The following CLPB variants were observed in gnomAD, a reference collection of about 807,000 sequenced individuals.
CLPB encodes the protein ClpB family mitochondrial disaggregase.
A neutral mutation model predicts 78.4 loss-of-function variants in CLPB; 40 were observed. The ratio of observed to expected loss-of-function variants is 0.51; its 90% CI spans 0.40 to 0.66. The LOEUF (loss-of-function observed/expected upper bound fraction) is 0.66. Among genes scored for constraint, CLPB ranks in the 30% least tolerant of loss-of-function variants. CLPB has a pLI of 0.00. For missense variants in CLPB, 780 were observed against 886.9 expected (o/e 0.88, Z 1.53); for synonymous variants, 333 against 348.0 (o/e 0.96, Z 0.48).
chr11:72,427,930 A>G (rs1856434863), intron 2 of CLPB, among the ~76,000 whole-genome samples: 1 of 152,204 alleles, frequency 6.6e-6, no homozygotes, highest in Non-Finnish European at 1.5e-5. Context: ...AGCAGCATGA[A>G]CCACCTGTAC....
chr11:72,383,841 C>T (rs980823771), intron 3 of CLPB, among the ~76,000 whole-genome samples: 11 of 151,992 alleles, frequency 7.2e-5, no homozygotes, highest in African/African-American at 1.7e-4. Context: ...ACAGGTCTGA[C>T]GGTAATAAAT....
At position 72,294,641 on chromosome 11, in the gene CLPB, A is replaced by T. The variant is rs1299377641; in HGVS notation, c.1539T>A (p.Asn513Lys). The change falls in exon 13 of 16, where the codon AAT becomes AAA. Residue 513 changes from asparagine to lysine, a missense_variant. Physicochemically the swap from Asn to Lys is moderately conservative, Grantham distance 94. This residue lies in a region of CLPB where 272 missense variants were observed against 304.0 expected (regional missense o/e 0.89). Coordinates refer to ENST00000538039, the MANE Select transcript of CLPB (RefSeq NM_001258392.3). ...KITISKNFKENVIRPILKAHF... is the reference protein window; with the variant it reads ...KITISKNFKEKVIRPILKAHF... The stretch of plus-strand genomic sequence containing the variant: ...TTACTTTCAGGATAGGGCGAATCAC[A>T]TTCTCCTTGAAGTTCTTTGAGATGG... 6.2e-7 allele frequency: 1 copy of T among 1,614,162 alleles called. No individual in the cohort carries two copies. Among genetic ancestry groups the T allele is most frequent in the Non-Finnish European group, 8.5e-7 (1 of 1,179,964 alleles).
intron 5 of CLPB, among the ~76,000 whole-genome samples, chr11:72,346,467 T>C (rs1950515742): frequency 6.6e-6 from 1 of 151,614 alleles, no homozygotes; most frequent in African/African-American, 2.4e-5. Context: ...CTAGTACAAT[T>C]ATCAACAAAA....
chr11:72,327,036 T>C (rs1218169703), intron 6 of CLPB, among the ~76,000 whole-genome samples: 1 of 152,234 alleles, frequency 6.6e-6, no homozygotes, highest in Non-Finnish European at 1.5e-5. Flanking sequence ...AAGTCCAGAC[T>C]GGATGAAGGG....
At position 72,292,052 on chromosome 11, in the gene CLPB, A is replaced by AG. The variant is rs1949460831; in HGVS notation, c.*1314_*1315insC. 6.6e-6 allele frequency: 1 copy of AG among 151,992 alleles called. No homozygotes were observed. The highest frequency in any genetic ancestry group is 2.4e-5 in the African/African-American group (1 of 40,932). 9.4% of individuals were successfully genotyped at this position (151,992 alleles called of 1,614,324 possible). Reference sequence around the variant, plus strand: ...AGTGAGACTCTGTCTCAAAAAAAAAAAAAAAAAAAAAAAGGCAGTCAGTGA... The same window carrying AG: ...AGTGAGACTCTGTCTCAAAAAAAAAAGAAAAAAAAAAAAAGGCAGTCAGTGA... On this transcript the variant is annotated 3_prime_UTR_variant, in exon 16 of 16. Transcript: ENST00000538039.
intron 5 of CLPB, among the ~76,000 whole-genome samples, chr11:72,340,821 G>C (rs2135570138): frequency 6.6e-6 from 1 of 152,274 alleles, no homozygotes; most frequent in East Asian, 1.9e-4. Flanking sequence ...ATATGGAAAT[G>C]TAGATAATAA....
chr11:72,434,210 C>T lies in CLPB; in HGVS notation c.265G>A (p.Gly89Arg). The change falls in exon 1 of 16, where the codon GGA becomes AGA. Residue 89 changes from glycine to arginine, a missense_variant. By Grantham distance (125) the Gly-to-Arg change is moderately radical. This residue lies in a region of CLPB where 417 missense variants were observed against 414.7 expected (regional missense o/e 1.01). Coordinates refer to ENST00000538039, the MANE Select transcript of CLPB (RefSeq NM_001258392.3). ...DTKCLAAATW[G>R]RLPGPEETLP... Reference sequence around the variant, plus strand: ...GTTTCTTCGGGACCAGGAAGGCGTCCCCAAGTGGCAGCCGCGAGGCATTTG... The same window carrying T: ...GTTTCTTCGGGACCAGGAAGGCGTCTCCAAGTGGCAGCCGCGAGGCATTTG... The T allele has an allele frequency of 1.2e-6, 2 of 1,613,584 alleles. No individual in the cohort carries two copies. The highest frequency in any genetic ancestry group is 1.7e-6 in the Non-Finnish European group (2 of 1,179,986).
intron 2 of CLPB, among the ~76,000 whole-genome samples, chr11:72,425,148 A>C (rs1195088242): frequency 6.6e-6 from 1 of 152,196 alleles, no homozygotes; most frequent in Non-Finnish European, 1.5e-5. Context: ...TCTGGAGCAT[A>C]TATTTATGGC....
chr11:72,312,486 G>T lies in CLPB; in HGVS notation c.989-3882C>A, dbSNP rs1196552012. 6.6e-6 allele frequency among the ~76,000 whole-genome samples: 1 copy of T among 152,208 alleles called. No homozygotes were observed. The highest frequency in any genetic ancestry group is 2.4e-5 in the African/African-American group (1 of 41,452). The stretch of plus-strand genomic sequence containing the variant: ...CTGACCATATTCCATGGGAGCAGGT[G>T]CTGGGTGTCCTGGGTGCCCTATTTT... On this transcript the variant is annotated intron_variant, in intron 7 of 15. Coordinates refer to ENST00000538039, the MANE Select transcript of CLPB (RefSeq NM_001258392.3). The surrounding 1 kb of genome is among the most constrained non-coding windows in gnomAD (Gnocchi z 4.2).
chr11:72,361,883 AATG>A (rs1423689878), intron 4 of CLPB, among the ~76,000 whole-genome samples: 1 of 152,236 alleles, frequency 6.6e-6, no homozygotes, highest in Non-Finnish European at 1.5e-5. Flanking sequence ...TGAGCAGACA[AATG>A]ATAATACAAT....
chr11:72,356,907 G>A (rs201047448), intron 5 of CLPB: 1 of 152,190 alleles, frequency 6.6e-6, no homozygotes, highest in South Asian at 2.1e-4. Flanking sequence ...TTTAAGGCAC[G>A]GCAGAGATAA....
intron 4 of CLPB, among the ~76,000 whole-genome samples, chr11:72,368,273 T>C (rs554606873): frequency 1.3e-5 from 2 of 152,344 alleles, no homozygotes; most frequent in Admixed American, 1.3e-4. Flanking sequence ...TGGTTCCATT[T>C]ATTGAACACT....
chr11:72,424,768 C>T (rs1164681233), intron 2 of CLPB, among the ~76,000 whole-genome samples: 1 of 152,144 alleles, frequency 6.6e-6, no homozygotes, highest in African/African-American at 2.4e-5. Flanking sequence ...CACCTGTAGT[C>T]CCAGCTACTC....
intron 5 of CLPB, among the ~76,000 whole-genome samples, chr11:72,333,905 G>A (rs1479937672): frequency 2.0e-5 from 3 of 152,184 alleles, no homozygotes; most frequent in Non-Finnish European, 4.4e-5. Context: ...CAGTGGAAAG[G>A]TCTGTCCTTT....
In CLPB at chr11:72,287,484, G is replaced by T. The variant is rs7107393; in HGVS notation, c.*5883C>A. ...AGCACCATCATGCCTGGCTAATTTT[G>T]GTATTTTTAGTAGAGGTGGGGTCTT... On this transcript the variant is annotated 3_prime_UTR_variant, in exon 16 of 16. Transcript: ENST00000538039. 4,330 of 151,922 alleles carry T rather than the reference G, an allele frequency of 0.029. 103 individuals carry two copies. The highest frequency in any genetic ancestry group is 0.038 in the Non-Finnish European group (2,578 of 67,960). 9.4% of individuals were successfully genotyped at this position (151,922 alleles called of 1,614,324 possible). A position where few individuals can be genotyped will look rare whatever the true frequency, so the allele number is the denominator to read the frequency against.
At position 72,358,999 on chromosome 11, in the gene CLPB, G is replaced by A. The variant is rs1238506123; in HGVS notation, c.656C>T (p.Thr219Ile). Residue 219 changes from threonine to isoleucine, a missense_variant, in exon 5 of 16, where the codon ACC becomes ATC. By Grantham distance (89) the Thr-to-Ile change is moderately conservative. This residue lies in a region of CLPB where 417 missense variants were observed against 414.7 expected (regional missense o/e 1.01). Transcript: ENST00000538039. ...CCTGTTGTTGAAGTCATCCTCTCGG[G>A]TGATCAGGACTGGGGAGACAGCAAC... ...QGIHSLEVLITREDDFNNRLN... is the reference protein window; with the variant it reads ...QGIHSLEVLIIREDDFNNRLN... 4 of 1,613,580 alleles carry A rather than the reference G, an allele frequency of 2.5e-6. No homozygotes were observed. The Admixed American group carries it at 6.7e-5, about 27-fold the overall frequency.
intron 6 of CLPB, among the ~76,000 whole-genome samples, chr11:72,321,856 A>T (rs750492560): frequency 6.1e-4 from 93 of 152,134 alleles, no homozygotes; most frequent in Non-Finnish European, 1.2e-3. Flanking sequence ...TCCCTGACTC[A>T]GATGGTGACT....
chr11:72,314,346 T>C (rs569416860), intron 7 of CLPB, among the ~76,000 whole-genome samples: 2 of 152,228 alleles, frequency 1.3e-5, no homozygotes, highest in East Asian at 1.9e-4. Flanking sequence ...AGAGGCTTCT[T>C]AGAGCAGGTC....
chr11:72,373,034 G>C, intron 4 of CLPB: 1 of 1,610,774 alleles, frequency 6.2e-7, no homozygotes, highest in Non-Finnish European at 8.5e-7. Context: ...CAGAGATGGG[G>C]AGGTCAGCTG....
Sources: gnomAD v4.1 joint callset for allele counts (sites outside exome capture counted in the v4.1 genomes callset) on GRCh38, gnomAD v4.1.1 for gene constraint, gnomAD v4.1.1 regional missense constraint, Gnocchi (gnomAD v3.1) non-coding constraint, MANE v1.5 for transcripts, NCBI Gene and HGNC (gene_info 2026-07-23, HGNC 2026-07-21) for gene names.